The following PTK7 variants were observed in gnomAD, a reference collection of about 807,000 sequenced individuals.
The protein encoded by PTK7 is protein tyrosine kinase 7 (inactive).
A neutral mutation model predicts 116.6 loss-of-function variants in PTK7; 39 were observed. That is an observed-to-expected ratio of 0.33 (90% CI 0.26 to 0.44). The LOEUF is 0.44. Ranked by LOEUF, PTK7 falls within the 20% of genes least tolerant of loss-of-function variation. The probability of loss-of-function intolerance (pLI) is 1.00; values close to 1 mark genes in which losing one functional copy is unlikely to be tolerated. For synonymous variants in PTK7, 546 were observed against 563.6 expected (o/e 0.97, Z 0.44); for missense variants, 1,169 against 1,425.6 (o/e 0.82, Z 2.90).
At chr6:43,092,906 G>A (rs993781915) in intron 1 of PTK7, among the ~76,000 whole-genome samples, 1 of 152,292 alleles carries the variant, frequency 6.6e-6, no homozygotes, top group South Asian at 2.1e-4. Context: ...GGTTATAACT[G>A]TAATTTACAG....
chr6:43,132,222 A>T (rs191589652), intron 6 of PTK7, 58 bp downstream of exon 6: 4 of 1,548,126 alleles, frequency 2.6e-6, no homozygotes, highest in Middle Eastern at 1.7e-4. Flanking sequence ...TTTTTGGCAC[A>T]TAGAGATTTA....
chr6:43,129,714 G>T lies in PTK7; in HGVS notation c.368-13G>T, dbSNP rs1257954250. ...TGCTCTGCCCCTCACTGCAACCGTG[G>T]CCTCTGCTACAGGGATTGAGGCAGG... On this transcript the variant is annotated splice_polypyrimidine_tract_variant and intron_variant, in intron 2 of 19. Transcript: ENST00000230419. The surrounding 1 kb of genome is among the most constrained non-coding windows in gnomAD (Gnocchi z 4.5). 6.2e-7 allele frequency: 1 copy of T among 1,613,150 alleles called. No individual in the cohort carries two copies. The highest frequency in any genetic ancestry group is 1.1e-5 in the South Asian group (1 of 91,064).
chr6:43,102,536 T>C (rs1561943748), intron 1 of PTK7, among the ~76,000 whole-genome samples: 1 of 151,516 alleles, frequency 6.6e-6, no homozygotes, highest in South Asian at 2.1e-4. Context: ...TTGCGGTGCA[T>C]TGAGATCCTA....
rs1201413744 is a variant in PTK7 at position 43,142,179 on chromosome 6, A to G, written c.1927A>G (p.Ile643Val). 2 of 1,613,914 alleles carry G rather than the reference A, an allele frequency of 1.2e-6. No homozygotes were observed. Among genetic ancestry groups the G allele is most frequent in the Non-Finnish European group, 1.7e-6 (2 of 1,179,970 alleles). ...TGGCTTCTCCCCCGACAGGATGCAC[A>G]TCTTCCAGAATGGCTCCCTGGTGAT... The part of the protein sequence containing the change: ...DPTKLGPRMH[I>V]FQNGSLVIHD... Residue 643 changes from isoleucine to valine, a missense_variant, in exon 13 of 20, where the codon ATC becomes GTC. Ile to Val is a conservative substitution (Grantham distance 29). Coordinates refer to ENST00000230419, the MANE Select transcript of PTK7 (RefSeq NM_002821.5).
At chr6:43,135,178 C>T (rs566215272) in intron 7 of PTK7, among the ~76,000 whole-genome samples, 1 of 152,248 alleles carries the variant, frequency 6.6e-6, no homozygotes, top group African/African-American at 2.4e-5. Flanking sequence ...ATGCCAGTGT[C>T]CCTTGCTGTG....
At position 43,143,348 on chromosome 6, in the gene PTK7, G is replaced by C; in HGVS notation, c.2048-69G>C. 1 of 1,488,976 alleles carries C rather than the reference G, an allele frequency of 6.7e-7. No homozygotes were observed. Among genetic ancestry groups the C allele is most frequent in the East Asian group, 2.3e-5 (1 of 44,076 alleles). The allele number at this position is 1,488,976 out of a possible 1,614,324, so 92.2% of individuals were successfully genotyped here. On this transcript the variant is annotated intron_variant, in intron 13 of 19. Transcript: ENST00000230419. This position sits in a 1 kb window ranked among gnomAD's most constrained non-coding sequence, Gnocchi z 4.2. ...GTTGCCCTGTTGATGGGGTTGGGAG[G>C]AGTTAGTAGAGAAGCAGGGCTTCTT...
Position 43,139,092 on chromosome 6 carries a change from G to A in PTK7, c.1363-44G>A, listed in dbSNP as rs766267973. On this transcript the variant is annotated intron_variant, in intron 8 of 19. Coordinates refer to ENST00000230419, the MANE Select transcript of PTK7 (RefSeq NM_002821.5). The surrounding 1 kb of genome is among the most constrained non-coding windows in gnomAD (Gnocchi z 4.6). ...CCCTGGAGGCAGCCTCCAGGGAGAGGTGGGTGTGGGTTCAGGCTCTGAGGC... is the reference window on the plus strand; with the variant it reads ...CCCTGGAGGCAGCCTCCAGGGAGAGATGGGTGTGGGTTCAGGCTCTGAGGC... 3 of 1,612,248 alleles carry A rather than the reference G, an allele frequency of 1.9e-6. No homozygotes were observed. Among genetic ancestry groups the A allele is most frequent in the East Asian group, 2.2e-5 (1 of 44,836 alleles).
chr6:43,135,969 C>T (rs555875353), intron 7 of PTK7, among the ~76,000 whole-genome samples: 13 of 152,162 alleles, frequency 8.5e-5, no homozygotes, highest in Admixed American at 2.0e-4. Context: ...GCAGGTGGAT[C>T]ACGAGGTCAG....
rs375892743 is a variant in PTK7, at chr6:43,161,653, G to GTT, written c.*778_*779dup. 6.6e-6 allele frequency: 1 copy of GTT among 151,910 alleles called. No individual in the cohort carries two copies. The highest frequency in any genetic ancestry group is 1.5e-5 in the Non-Finnish European group (1 of 67,986). The allele number at this position is 151,910 out of a possible 1,614,324, so 9.4% of individuals were successfully genotyped here. A position where few individuals can be genotyped will look rare whatever the true frequency, so the allele number is the denominator to read the frequency against. On this transcript the variant is annotated 3_prime_UTR_variant, in exon 20 of 20. Coordinates refer to ENST00000230419, the MANE Select transcript of PTK7 (RefSeq NM_002821.5). ...ATTGTTGTCGTTTTTTGTTTGTTTT[G>GTT]TTTTTTTGTTTTTGTTTTTGTTTTT...
At chr6:43,118,293 T>C (rs900123474) in intron 1 of PTK7, among the ~76,000 whole-genome samples, 7 of 152,044 alleles carry the variant, frequency 4.6e-5, no homozygotes, top group Middle Eastern at 3.4e-3. Context: ...TCCCAGTACT[T>C]TGGGAGGCCG....
chr6:43,082,242 C>G (rs1444524767), intron 1 of PTK7, among the ~76,000 whole-genome samples: 1 of 152,190 alleles, frequency 6.6e-6, no homozygotes, highest in Admixed American at 6.5e-5. Flanking sequence ...GTGGCACGAT[C>G]TTGGCTCACT....
At chr6:43,124,923 A>G (rs554115747) in intron 1 of PTK7, among the ~76,000 whole-genome samples, 19 of 152,280 alleles carry the variant, frequency 1.2e-4, no homozygotes, top group Admixed American at 2.6e-4. Flanking sequence ...CTGTAATCCC[A>G]GCACTTTGGG....
chr6:43,131,029 TCACACACA>T (rs3222659), intron 5 of PTK7, among the ~76,000 whole-genome samples: 2,313 of 133,818 alleles, frequency 0.017, 39 homozygotes, highest in African/African-American at 0.047. Context: ...GGCAAAGACA[TCACACACA>T]CACACACACA....
chr6:43,124,888 A>G (rs111799945), intron 1 of PTK7, among the ~76,000 whole-genome samples: 1,776 of 152,114 alleles, frequency 0.012, 9 homozygotes, highest in Non-Finnish European at 0.02. Flanking sequence ...CTTTTGAAAC[A>G]TCTGCTGGGC....
intron 7 of PTK7, among the ~76,000 whole-genome samples, chr6:43,136,590 G>A (rs1003060961): frequency 3.9e-5 from 6 of 152,138 alleles, no homozygotes; most frequent in African/African-American, 1.4e-4. Context: ...CAGTAGGCTA[G>A]CCAGGCTTCC....
chr6:43,099,910 G>A (rs1457391437), intron 1 of PTK7, among the ~76,000 whole-genome samples: 1 of 151,450 alleles, frequency 6.6e-6, no homozygotes, highest in African/African-American at 2.4e-5. Context: ...TTTCTGAAAT[G>A]GAGTTTCACT....
rs1769591748 is a variant in PTK7, at chr6:43,130,423, G to A, written c.661+3G>A. 1.2e-6 allele frequency: 2 copies of A among 1,604,338 alleles called. No homozygotes were observed. Among genetic ancestry groups the A allele is most frequent in the Non-Finnish European group, 1.7e-6 (2 of 1,172,714 alleles). On this transcript the variant is annotated splice_donor_region_variant and intron_variant, in intron 4 of 19. Transcript: ENST00000230419. ...GAACTTCACCTTGAGCATTGCTGGT[G>A]AGCCTGGGGTGGGGGCGGAAGGGAT...
intron 17 of PTK7, among the ~76,000 whole-genome samples, chr6:43,157,356 ATATATATAT>A (rs1427401403): frequency 6.3e-4 from 2 of 3,196 alleles, no homozygotes; most frequent in Non-Finnish European, 1.4e-3. Context: ...ATATATATAT[ATATATATAT>A]TTTTTTTTTT....
chr6:43,122,425 G>T (rs1769015548), intron 1 of PTK7, among the ~76,000 whole-genome samples: 1 of 152,074 alleles, frequency 6.6e-6, no homozygotes, highest in Non-Finnish European at 1.5e-5. Flanking sequence ...TCAGGTTGAG[G>T]GCTGCTTCTC....
Sources: allele counts gnomAD v4.1 joint callset (sites outside exome capture counted in the v4.1 genomes callset), GRCh38; gene constraint gnomAD v4.1.1; non-coding constraint Gnocchi (gnomAD v3.1); transcripts MANE v1.5; gene names NCBI Gene and HGNC (gene_info 2026-07-23, HGNC 2026-07-21).